FUT8: variants seen among roughly 807,000 people sequenced by gnomAD.
FUT8 encodes the protein fucosyltransferase 8.
A neutral mutation model predicts 71.3 loss-of-function variants in FUT8; 29 were observed. The observed-to-expected ratio is 0.41, with a 90% CI of 0.30 to 0.55. The LOEUF is 0.55. FUT8 is among the 20% of genes least tolerant of loss of function. FUT8 has a pLI of 0.34. For missense variants in FUT8, 544 were observed against 702.1 expected, an observed-to-expected ratio of 0.77 and a Z score of 2.55; for synonymous variants, 254 against 239.3, an observed-to-expected ratio of 1.06 and a Z score of -0.57.
At chr14:65,519,708 A>G (rs1356841208) in intron 2 of FUT8, among the ~76,000 whole-genome samples, 1 of 152,216 alleles carries the variant, frequency 6.6e-6, no homozygotes, top group African/African-American at 2.4e-5. Flanking sequence ...TTCTTTCTAA[A>G]GAAATATAGT....
chr14:65,677,151 T>TGTGC lies in FUT8; in HGVS notation c.835+7672_835+7673insTGCG. Among the ~76,000 whole-genome samples, 215 of 110,742 alleles carry TGTGC rather than the reference T, an allele frequency of 1.9e-3. 2 individuals carry two copies. The highest frequency in any genetic ancestry group is 5.1e-3 in the African/African-American group (134 of 26,318). The allele number at this position is 110,742 out of a possible 152,430, so 72.7% of individuals were successfully genotyped here. ...GTGTGTGTGTGTGTGTGTGTGTGTG[T>TGTGC]GCGCGCGCGCATGCGCGCGCACGTA... On this transcript the variant is annotated intron_variant, in intron 7 of 10. Coordinates refer to ENST00000673929, the MANE Select transcript of FUT8 (RefSeq NM_001371533.1).
chr14:65,700,381 G>GTTTTTTTTTTTTTTTT lies in FUT8; in HGVS notation c.836-21382_836-21367dup, dbSNP rs763718984. On this transcript the variant is annotated intron_variant, in intron 7 of 10. Coordinates refer to ENST00000673929, the MANE Select transcript of FUT8 (RefSeq NM_001371533.1). Reference sequence around the variant, plus strand: ...AAACTACTTTCTTTTCTTTCTTTCTGTTTTTTTTTTTTTTTTTTTTTTTTT... The same window carrying GTTTTTTTTTTTTTTTT: ...AAACTACTTTCTTTTCTTTCTTTCTGTTTTTTTTTTTTTTTTTTTTTTTTTTTTTTTTTTTTTTTTT... 8.2e-5 allele frequency among the ~76,000 whole-genome samples: 4 copies of GTTTTTTTTTTTTTTTT among 48,848 alleles called. 2 individuals carry two copies. Among genetic ancestry groups the GTTTTTTTTTTTTTTTT allele is most frequent in the African/African-American group, 1.7e-4 (2 of 11,806 alleles). The allele number at this position is 48,848 out of a possible 152,430, so 32.0% of individuals were successfully genotyped here.
intron 7 of FUT8, among the ~76,000 whole-genome samples, chr14:65,689,653 C>G (rs898605871): frequency 6.6e-6 from 1 of 152,224 alleles, no homozygotes; most frequent in Non-Finnish European, 1.5e-5. Context: ...ATTCTTCTGC[C>G]TCAGCCTCCC....
At position 65,652,408 on chromosome 14, in the gene FUT8, GA is replaced by G. The variant is rs989104816; in HGVS notation, c.598-16828del. ...TCTGATAAAAATGGAGAGCACATAAGAAAAAAACTTTTAGTGTACTTCTTCT... is the reference window on the plus strand; with the variant it reads ...TCTGATAAAAATGGAGAGCACATAAGAAAAAACTTTTAGTGTACTTCTTCT... On this transcript the variant is annotated intron_variant, in intron 6 of 10. Transcript: ENST00000673929. The surrounding 1 kb of genome is among the most constrained non-coding windows in gnomAD (Gnocchi z 4.0). Among the ~76,000 whole-genome samples, 3 of 152,136 alleles carry G rather than the reference GA, an allele frequency of 2.0e-5. No individual in the cohort carries two copies. Among genetic ancestry groups the G allele is most frequent in the African/African-American group, 4.8e-5 (2 of 41,424 alleles).
chr14:65,457,446 T>C (rs1368488546), intron 2 of FUT8, among the ~76,000 whole-genome samples: 1 of 152,154 alleles, frequency 6.6e-6, no homozygotes, highest in Non-Finnish European at 1.5e-5. Context: ...ATTTTGGAGA[T>C]ACTAGGTAGC....
intron 1 of FUT8, among the ~76,000 whole-genome samples, chr14:65,450,455 G>C (rs935627064): frequency 3.3e-5 from 5 of 152,082 alleles, no homozygotes; most frequent in Admixed American, 1.3e-4. Context: ...TTCATGTTCA[G>C]TTAGTCTACA....
chr14:65,421,412 T>C (rs1261069324), intron 1 of FUT8, among the ~76,000 whole-genome samples: 1 of 152,118 alleles, frequency 6.6e-6, no homozygotes, highest in African/African-American at 2.4e-5. Flanking sequence ...GGTGTAACTT[T>C]ATGGCAATAC....
chr14:65,621,609 T>C (rs1238629134), intron 5 of FUT8, among the ~76,000 whole-genome samples: 2 of 152,216 alleles, frequency 1.3e-5, no homozygotes, highest in South Asian at 4.1e-4. Context: ...TTGCCCAGGC[T>C]GGAGTGCAAT....
At chr14:65,674,995 T>G (rs941381685) in intron 7 of FUT8, among the ~76,000 whole-genome samples, 2 of 152,248 alleles carry the variant, frequency 1.3e-5, no homozygotes, top group Admixed American at 6.5e-5. Context: ...TTTGTTTTAC[T>G]ACTTATGGGC....
At chr14:65,494,609 T>C (rs1225805440) in intron 2 of FUT8, among the ~76,000 whole-genome samples, 2 of 152,080 alleles carry the variant, frequency 1.3e-5, no homozygotes, top group Non-Finnish European at 2.9e-5. Flanking sequence ...ATTTTTTAAA[T>C]TTTACTTTAA....
At chr14:65,684,803 T>C (rs770053881) in intron 7 of FUT8, among the ~76,000 whole-genome samples, 1 of 152,176 alleles carries the variant, frequency 6.6e-6, no homozygotes, top group Non-Finnish European at 1.5e-5. Context: ...ACCATGATTG[T>C]AAGTTTCCTG....
intron 7 of FUT8, among the ~76,000 whole-genome samples, chr14:65,720,996 A>G (rs1270560552): frequency 1.3e-5 from 2 of 152,076 alleles, no homozygotes; most frequent in South Asian, 4.1e-4. Context: ...GATTCTTTGC[A>G]CCACACGGCC....
chr14:65,656,694 C>G (rs1001921852), intron 6 of FUT8, among the ~76,000 whole-genome samples: 3 of 151,928 alleles, frequency 2.0e-5, no homozygotes, highest in African/African-American at 7.2e-5. Context: ...GAGCAAAAAC[C>G]TCAAAAGTAG....
intron 3 of FUT8, among the ~76,000 whole-genome samples, chr14:65,594,551 G>A (rs1887862601): frequency 6.6e-6 from 1 of 152,214 alleles, no homozygotes; most frequent in South Asian, 2.1e-4. Context: ...CAGAGGGCCA[G>A]TATGACAGAC....
At position 65,561,740 on chromosome 14, in the gene FUT8, C is replaced by T; in HGVS notation, c.177C>T (p.Asp59=). The change falls in exon 3 of 11, where the codon GAC becomes GAT. Residue 59 remains aspartate, a synonymous_variant. Coordinates refer to ENST00000673929, the MANE Select transcript of FUT8 (RefSeq NM_001371533.1). Reference sequence around the variant, plus strand: ...AACGCTTAAAACAACAGAATGAAGACTTGAGGCGAATGGCCGAATCTCTCC... The same window carrying T: ...AACGCTTAAAACAACAGAATGAAGATTTGAGGCGAATGGCCGAATCTCTCC... ...KLERLKQQNE[D]LRRMAESLRI... is the part of the protein sequence containing the mutation. 1 of 1,613,152 alleles carries T rather than the reference C, an allele frequency of 6.2e-7. No homozygotes were observed. The highest frequency in any genetic ancestry group is 2.2e-5 in the East Asian group (1 of 44,838).
At chr14:65,644,156 C>T (rs917790292) in intron 6 of FUT8, among the ~76,000 whole-genome samples, 7 of 152,118 alleles carry the variant, frequency 4.6e-5, no homozygotes, top group Non-Finnish European at 8.8e-5. Context: ...GAAGGGAATA[C>T]GTAGGCTCTT....
At chr14:65,482,326 C>T (rs543799301) in intron 2 of FUT8, among the ~76,000 whole-genome samples, 1 of 151,144 alleles carries the variant, frequency 6.6e-6, no homozygotes, top group African/African-American at 2.4e-5. Flanking sequence ...ACCTCTTTGT[C>T]TTTCTTTTTT....
At chr14:65,706,236 A>G (rs1894545236) in intron 7 of FUT8, among the ~76,000 whole-genome samples, 1 of 152,202 alleles carries the variant, frequency 6.6e-6, no homozygotes, top group Non-Finnish European at 1.5e-5. Flanking sequence ...AGGTCACACA[A>G]CTGGTAAGTG....
chr14:65,622,704 C>T (rs1430865628), intron 5 of FUT8, among the ~76,000 whole-genome samples: 2 of 152,144 alleles, frequency 1.3e-5, no homozygotes, highest in Non-Finnish European at 2.9e-5. Context: ...TTATCCTTAG[C>T]ATTGCTTATT....
Sources: gnomAD v4.1 joint callset for allele counts (sites outside exome capture counted in the v4.1 genomes callset) on GRCh38, gnomAD v4.1.1 for gene constraint, Gnocchi (gnomAD v3.1) non-coding constraint, MANE v1.5 for transcripts, NCBI Gene and HGNC (gene_info 2026-07-23, HGNC 2026-07-21) for gene names.